Variants in KCTD1 observed in about 807,000 individuals in gnomAD.
KCTD1 encodes the protein BTB/POZ domain-containing protein KCTD1.
Under a neutral mutation model 66.0 loss-of-function variants are expected in KCTD1, and 24 were observed. The observed-to-expected ratio is 0.36, with a 90% CI of 0.26 to 0.51. The LOEUF is 0.51. Ranked by LOEUF, KCTD1 falls within the 20% of genes least tolerant of loss-of-function variation. KCTD1 has a pLI of 0.95. For missense variants in KCTD1, 943 were observed against 1,205.2 expected, an observed-to-expected ratio of 0.78 and a Z score of 3.22; for synonymous variants, 511 against 517.2, an observed-to-expected ratio of 0.99 and a Z score of 0.16.
chr18:26,463,969 G>A (rs925801165), intron 3 of KCTD1, among the ~76,000 whole-genome samples: 6 of 152,206 alleles, frequency 3.9e-5, no homozygotes, highest in Non-Finnish European at 7.3e-5. Context: ...ACAGACATGG[G>A]TGGTGGACTC....
intron 1 of KCTD1, among the ~76,000 whole-genome samples, chr18:26,520,414 G>A (rs1983853969): frequency 6.6e-6 from 1 of 152,130 alleles, no homozygotes; most frequent in African/African-American, 2.4e-5. Context: ...TACAACAGAA[G>A]ACCTCAGGTA....
chr18:26,542,547 T>C (rs901038855), intron 1 of KCTD1, among the ~76,000 whole-genome samples: 1 of 152,172 alleles, frequency 6.6e-6, no homozygotes, highest in Non-Finnish European at 1.5e-5. Flanking sequence ...TCAAGTTTTA[T>C]TGGATAACTG....
chr18:26,510,618 T>C (rs1983283900), intron 1 of KCTD1, among the ~76,000 whole-genome samples: 1 of 152,240 alleles, frequency 6.6e-6, no homozygotes, highest in African/African-American at 2.4e-5. Context: ...CTTATTAGAT[T>C]ACCAAGCTGA....
At chr18:26,601,637 C>T (rs879773853) in intron 1 of KCTD1, among the ~76,000 whole-genome samples, 14 of 152,278 alleles carry the variant, frequency 9.2e-5, no homozygotes, top group African/African-American at 1.2e-4. Flanking sequence ...CTATGTCTTC[C>T]AATCCATGAA....
chr18:26,575,958 C>G (rs1986215969), intron 1 of KCTD1, among the ~76,000 whole-genome samples: 1 of 152,202 alleles, frequency 6.6e-6, no homozygotes, highest in South Asian at 2.1e-4. Flanking sequence ...CATATAAATG[C>G]TTACACATTC....
chr18:26,515,549 C>T (rs1983614027), intron 1 of KCTD1, among the ~76,000 whole-genome samples: 1 of 149,148 alleles, frequency 6.7e-6, no homozygotes, highest in Admixed American at 6.7e-5. Flanking sequence ...ACTCTGTCAC[C>T]AAGGCTGGAG....
chr18:26,565,393 T>C (rs557472849), intron 1 of KCTD1, among the ~76,000 whole-genome samples: 1 of 152,228 alleles, frequency 6.6e-6, no homozygotes, highest in East Asian at 1.9e-4. Flanking sequence ...TCCCTTTCTG[T>C]TTTTAAAACA....
intron 1 of KCTD1, among the ~76,000 whole-genome samples, chr18:26,573,981 CA>C (rs1370665550): frequency 6.6e-6 from 1 of 152,058 alleles, no homozygotes; most frequent in African/African-American, 2.4e-5. Flanking sequence ...TTGTGACAAC[CA>C]AAAGACCCCC....
chr18:26,619,845 A>C lies in KCTD1; in HGVS notation c.-16+9302T>G, dbSNP rs190655893. 5.9e-5 allele frequency among the ~76,000 whole-genome samples: 9 copies of C among 152,270 alleles called. No homozygotes were observed. In the East Asian group the frequency reaches 1.7e-3, roughly 29 times the overall value. Reference sequence around the variant, plus strand: ...AGCCACCAAATGCATCAGCTCCAAAATGCCGTTCTTGGGCTTCCTATTATG... The same window carrying C: ...AGCCACCAAATGCATCAGCTCCAAACTGCCGTTCTTGGGCTTCCTATTATG... On this transcript the variant is annotated intron_variant, in intron 1 of 4. Coordinates refer to the KCTD1 transcript ENST00000317932.
chr18:26,535,971 C>CAAAACAAAA (rs1984685434), intron 1 of KCTD1, among the ~76,000 whole-genome samples: 1 of 122,822 alleles, frequency 8.1e-6, no homozygotes, highest in Non-Finnish European at 1.7e-5. Context: ...GTGATTCCTC[C>CAAAACAAAA]AAAAAAAAAA....
intron 2 of KCTD1, among the ~76,000 whole-genome samples, chr18:26,480,641 A>C (rs1018654951): frequency 2.0e-5 from 3 of 152,052 alleles, no homozygotes; most frequent in African/African-American, 7.2e-5. Context: ...GGTGGCACGC[A>C]CCTGTAATCC....
At chr18:26,609,790 T>C (rs1221696627) in intron 1 of KCTD1, among the ~76,000 whole-genome samples, 1 of 152,204 alleles carries the variant, frequency 6.6e-6, no homozygotes, top group Non-Finnish European at 1.5e-5. Context: ...AAGGATAAAG[T>C]CAATTGTATT....
chr18:26,523,055 T>C (rs80055508), intron 1 of KCTD1, among the ~76,000 whole-genome samples: 3 of 152,218 alleles, frequency 2.0e-5, no homozygotes, highest in Non-Finnish European at 4.4e-5. Context: ...TATATTTTTT[T>C]AAAGTTACTC....
At chr18:26,616,382 A>G (rs1323507450) in intron 1 of KCTD1, among the ~76,000 whole-genome samples, 1 of 151,648 alleles carries the variant, frequency 6.6e-6, no homozygotes, top group Non-Finnish European at 1.5e-5. Flanking sequence ...TTGTTGTTTT[A>G]TATGCCTATT....
At chr18:26,615,106 C>T (rs1033016999) in intron 1 of KCTD1, among the ~76,000 whole-genome samples, 3 of 152,180 alleles carry the variant, frequency 2.0e-5, no homozygotes, top group African/African-American at 7.2e-5. Context: ...ACATCCTCCC[C>T]ACCTGGGCAG....
At chr18:26,653,626 C>T (rs774971679) in intron 1 of KCTD1, among the ~76,000 whole-genome samples, 9 of 152,228 alleles carry the variant, frequency 5.9e-5, no homozygotes, top group Non-Finnish European at 1.0e-4. Flanking sequence ...AGTTCCTATA[C>T]AGCAAGCACA....
chr18:26,467,073 G>A (rs921576417), intron 3 of KCTD1, among the ~76,000 whole-genome samples: 5 of 151,554 alleles, frequency 3.3e-5, no homozygotes, highest in African/African-American at 1.2e-4. Flanking sequence ...AAAAGATCCA[G>A]AAGGCTACTC....
chr18:26,542,490 T>A (rs1202489702), intron 1 of KCTD1, among the ~76,000 whole-genome samples: 1 of 152,196 alleles, frequency 6.6e-6, no homozygotes, highest in South Asian at 2.1e-4. Context: ...CCTGTATCGA[T>A]TCTGCTTTCA....
chr18:26,580,787 G>A (rs1165931353), intron 1 of KCTD1, among the ~76,000 whole-genome samples: 3 of 152,164 alleles, frequency 2.0e-5, no homozygotes, highest in African/African-American at 7.2e-5. Context: ...GGCCAAAAAT[G>A]CATAAATAAA....
Sources: gnomAD v4.1 joint callset for allele counts (sites outside exome capture counted in the v4.1 genomes callset) on GRCh38, gnomAD v4.1.1 for gene constraint, MANE v1.5 for transcripts, NCBI Gene and HGNC (gene_info 2026-07-23, HGNC 2026-07-21) for gene names.